ANKRD36: variants seen among roughly 807,000 people sequenced by gnomAD.
ANKRD36 encodes the protein ankyrin repeat domain 36, also known as ankyrin repeat domain-containing protein 36A.
Under a neutral mutation model 278.1 loss-of-function variants are expected in ANKRD36, and 179 were observed. That is an observed-to-expected ratio of 0.64 (90% CI 0.57 to 0.73). ANKRD36 has a LOEUF of 0.73. ANKRD36 is among the 30% of genes least tolerant of loss of function. The pLI is 0.00. For synonymous variants in ANKRD36, 320 were observed against 641.1 expected (o/e 0.50, Z 7.57); for missense variants, 1,159 against 1,956.7 (o/e 0.59, Z 7.69).
At chr2:97,191,648 G>T (rs1228162494) in intron 36 of ANKRD36, among the ~76,000 whole-genome samples, 1 of 151,670 alleles carries the variant, frequency 6.6e-6, no homozygotes, top group Non-Finnish European at 1.5e-5. Flanking sequence ...GGATTGTGAG[G>T]CAGGAAGGTG....
chr2:97,143,654 A>G (rs1317363174), intron 8 of ANKRD36, among the ~76,000 whole-genome samples: 2 of 152,228 alleles, frequency 1.3e-5, no homozygotes, highest in Non-Finnish European at 1.5e-5. Flanking sequence ...GATCCTTCAA[A>G]CCAGACTATT....
rs2035948433 is a variant in ANKRD36 at position 97,118,001 on chromosome 2, A to T, written c.198-63A>T. On this transcript the variant is annotated intron_variant, in intron 1 of 75. Transcript: ENST00000420699. The stretch of plus-strand genomic sequence containing the variant: ...AATTACATATTTGTTTTGAAGACAG[A>T]GAAATGACATGCTAATTAATGCTTA... The T allele has an allele frequency of 1.4e-5, 22 of 1,528,924 alleles. 2 individuals carry two copies. In the South Asian group the frequency reaches 2.7e-4, roughly 19 times the overall value. The allele number at this position is 1,528,924 out of a possible 1,614,324, so 94.7% of individuals were successfully genotyped here. A position where few individuals can be genotyped will look rare whatever the true frequency, so the allele number is the denominator to read the frequency against.
At chr2:97,193,175 C>T in intron 38 of ANKRD36, 122 bp downstream of exon 38, 1 of 1,045,948 alleles carries the variant, frequency 9.6e-7, no homozygotes, top group Non-Finnish European at 1.3e-6. Context: ...TCCTGAGATT[C>T]TTCATTTCAA....
chr2:97,170,910 CAAAAG>C (rs2052288310), intron 22 of ANKRD36, among the ~76,000 whole-genome samples: 1 of 148,454 alleles, frequency 6.7e-6, no homozygotes, highest in Admixed American at 6.8e-5. Flanking sequence ...AGACACTTCT[CAAAAG>C]AAGACATTTA....
intron 15 of ANKRD36, among the ~76,000 whole-genome samples, chr2:97,156,272 A>C (rs534559789): frequency 5.0e-4 from 73 of 145,494 alleles, no homozygotes; most frequent in African/African-American, 1.7e-3. Context: ...CACATTGTGC[A>C]GGTTAGTTAC....
intron 67 of ANKRD36, among the ~76,000 whole-genome samples, chr2:97,225,742 AT>A (rs1221539638): frequency 6.6e-6 from 1 of 151,638 alleles, no homozygotes; most frequent in African/African-American, 2.4e-5. Flanking sequence ...GTCATTTAGC[AT>A]TAGGTATATC....
At chr2:97,198,115 C>G (rs1353058996) in intron 42 of ANKRD36, among the ~76,000 whole-genome samples, 2 of 151,888 alleles carry the variant, frequency 1.3e-5, no homozygotes. Context: ...CATGTAGCAC[C>G]TGCTTTGACA....
intron 52 of ANKRD36, 99 bp downstream of exon 52, chr2:97,206,234 T>A: frequency 7.8e-7 from 1 of 1,281,438 alleles, no homozygotes; most frequent in Non-Finnish European, 1.1e-6. Context: ...AGCTGCACTT[T>A]CTGATTCAGC....
chr2:97,134,603 T>A (rs2041009293), intron 6 of ANKRD36, among the ~76,000 whole-genome samples: 1 of 152,102 alleles, frequency 6.6e-6, no homozygotes, highest in Non-Finnish European at 1.5e-5. Flanking sequence ...CATGACTCAC[T>A]TATAACTAGG....
At chr2:97,218,544 A>G (rs1227031271) in intron 64 of ANKRD36, among the ~76,000 whole-genome samples, 4 of 151,480 alleles carry the variant, frequency 2.6e-5, no homozygotes, top group Non-Finnish European at 5.9e-5. Flanking sequence ...CAGGACACTT[A>G]CACTGAAGAC....
chr2:97,205,322 A>G (rs2062543285), intron 50 of ANKRD36, among the ~76,000 whole-genome samples: 1 of 151,536 alleles, frequency 6.6e-6, no homozygotes, highest in Non-Finnish European at 1.5e-5. Context: ...ATACTAGTGG[A>G]TACAAGAAAG....
chr2:97,161,948 TA>T (rs2048997216), intron 17 of ANKRD36, 150 bp from the exon 18 acceptor site: 1 of 547,384 alleles, frequency 1.8e-6, no homozygotes, highest in Admixed American at 4.5e-5. Context: ...TTTCACTTGA[TA>T]AATAAATAAA....
intron 40 of ANKRD36, among the ~76,000 whole-genome samples, chr2:97,195,827 T>A (rs1329219111): frequency 4.0e-5 from 6 of 151,898 alleles, no homozygotes; most frequent in African/African-American, 1.4e-4. Context: ...TTTCTGAATG[T>A]AAAACTTATT....
Position 97,189,033 on chromosome 2 carries a change from G to T in ANKRD36, c.2144-54G>T, listed in dbSNP as rs1208073690. 21 of 712,128 alleles carry T rather than the reference G, an allele frequency of 2.9e-5. 4 individuals carry two copies. The East Asian group carries it at 5.2e-4, about 18-fold the overall frequency. 44.1% of individuals were successfully genotyped at this position (712,128 alleles called of 1,614,324 possible). On this transcript the variant is annotated intron_variant, in intron 32 of 75. Transcript: ENST00000420699. ...GATGCTAACACTGTGTGAATGTATGGATAACTTTATCATATTTACATATGA... is the reference window on the plus strand; with the variant it reads ...GATGCTAACACTGTGTGAATGTATGTATAACTTTATCATATTTACATATGA...
chr2:97,158,352 T>C (rs4539828), intron 16 of ANKRD36, among the ~76,000 whole-genome samples, 185 bp downstream of exon 16: 10 of 152,198 alleles, frequency 6.6e-5, no homozygotes, highest in Non-Finnish European at 1.5e-4. Context: ...CTCAGCCTCC[T>C]GAGTAGCTGG....
intron 17 of ANKRD36, 138 bp downstream of exon 17, chr2:97,158,793 T>C (rs886170302): frequency 5.7e-6 from 5 of 882,294 alleles, no homozygotes; most frequent in Non-Finnish European, 6.7e-6. Flanking sequence ...TCCCGTGCTT[T>C]ATTCACTTGC....
rs1427650272 is a variant in ANKRD36 at position 97,233,712 on chromosome 2, G to T, written c.3952-18G>T. 3 of 1,364,714 alleles carry T rather than the reference G, an allele frequency of 2.2e-6. No homozygotes were observed. Among genetic ancestry groups the T allele is most frequent in the South Asian group, 1.6e-5 (1 of 62,490 alleles). 84.5% of individuals were successfully genotyped at this position (1,364,714 alleles called of 1,614,324 possible). A position where few individuals can be genotyped will look rare whatever the true frequency, so the allele number is the denominator to read the frequency against. ...AATATTTTGGGGACATTTTGAAACA[G>T]TGTTATTTATTTTGTAGGTGAAAAA... On this transcript the variant is annotated intron_variant, in intron 67 of 75. Transcript: ENST00000420699.
At chr2:97,138,059 G>C (rs569406823) in intron 6 of ANKRD36, among the ~76,000 whole-genome samples, 9 of 152,088 alleles carry the variant, frequency 5.9e-5, no homozygotes, top group Admixed American at 2.0e-4. Context: ...TAGGTTGCCT[G>C]TTCACTCTGA....
At chr2:97,116,324 G>T (rs1200336852) in intron 1 of ANKRD36, among the ~76,000 whole-genome samples, 2 of 152,052 alleles carry the variant, frequency 1.3e-5, no homozygotes, top group Non-Finnish European at 2.9e-5. Context: ...TGCCCAGCCT[G>T]GAGTGCAGTG....
Sources: gnomAD v4.1 joint callset for allele counts (sites outside exome capture counted in the v4.1 genomes callset) on GRCh38, gnomAD v4.1.1 for gene constraint, MANE v1.5 for transcripts, NCBI Gene and HGNC (gene_info 2026-07-23, HGNC 2026-07-21) for gene names.